The following AASS variants were observed in gnomAD, a reference collection of about 807,000 sequenced individuals.
AASS encodes the protein alpha-aminoadipic semialdehyde synthase, mitochondrial.
AASS carries 86 observed loss-of-function variants against 105.4 expected under a neutral mutation model. That is an observed-to-expected ratio of 0.82 (90% CI 0.69 to 0.98). The LOEUF (loss-of-function observed/expected upper bound fraction) is 0.98. AASS is among the 50% of genes least tolerant of loss of function. The probability of loss-of-function intolerance (pLI) is 0.00; values close to 1 mark genes in which losing one functional copy is unlikely to be tolerated. For missense variants in AASS, 1,048 were observed against 1,143.2 expected, an observed-to-expected ratio of 0.92 and a Z score of 1.20; for synonymous variants, 381 against 394.8, an observed-to-expected ratio of 0.96 and a Z score of 0.41.
chr7:122,091,796 A>G lies in AASS; in HGVS notation c.1923T>C (p.His641=), dbSNP rs770661942. ...SYCGGLPAPE[H]SNNPLRYKFS... ...ATTTATATCTCAATGGATTGTTTGA[A>G]TGTTCAGGGGCTGGAAGCCCACCAC... is the stretch of plus-strand genomic sequence containing the variant. The change falls in exon 18 of 24, where the codon CAT becomes CAC. Residue 641 remains histidine, a synonymous_variant. Transcript: ENST00000417368. The G allele has an allele frequency of 2.5e-6, 4 of 1,604,126 alleles. No homozygotes were observed. The South Asian group carries it at 3.3e-5, about 13-fold the overall frequency.
intron 3 of AASS, among the ~76,000 whole-genome samples, chr7:122,127,554 T>C (rs576250737): frequency 2.6e-5 from 4 of 152,276 alleles, no homozygotes; most frequent in East Asian, 1.9e-4. Context: ...AAGTGGAACA[T>C]TCTTCCTATA....
chr7:122,091,992 AG>A (rs2150516026), intron 17 of AASS, 149 bp from the exon 18 acceptor site: 1 of 607,984 alleles, frequency 1.6e-6, no homozygotes, highest in Non-Finnish European at 2.9e-6. Flanking sequence ...ACATCTTCAA[AG>A]CATGTACCAT....
chr7:122,096,012 G>A (rs766428755), intron 15 of AASS, among the ~76,000 whole-genome samples: 1 of 152,020 alleles, frequency 6.6e-6, no homozygotes, highest in Admixed American at 6.6e-5. Context: ...TAGACGAAGG[G>A]ATTAGAGTTC....
intron 1 of AASS, among the ~76,000 whole-genome samples, chr7:122,143,670 T>A (rs1228586310): frequency 6.6e-6 from 1 of 151,522 alleles, no homozygotes; most frequent in Admixed American, 6.6e-5. Flanking sequence ...AAGCTGGGCG[T>A]GGGGAGGGAA....
chr7:122,079,102 A>C lies in AASS; in HGVS notation c.2397-152T>G, dbSNP rs186758179. The stretch of plus-strand genomic sequence containing the variant: ...GGATTCTCCTAAAATGTAAAATAAC[A>C]ATAACAATAGCAATGTTTTAACCTT... On this transcript the variant is annotated intron_variant, in intron 21 of 23. Transcript: ENST00000417368. 236 of 1,536,246 alleles carry C rather than the reference A, an allele frequency of 1.5e-4. No individual in the cohort carries two copies. The African/African-American group carries it at 2.8e-3, about 19-fold the overall frequency.
chr7:122,128,205 CACTTGTG>C (rs1795743934), intron 3 of AASS, among the ~76,000 whole-genome samples: 1 of 152,222 alleles, frequency 6.6e-6, no homozygotes, highest in African/African-American at 2.4e-5. Flanking sequence ...AGGCCACCAT[CACTTGTG>C]ACTTGCAGTC....
chr7:122,105,521 T>TTATAC (rs1794630248), intron 11 of AASS, among the ~76,000 whole-genome samples: 1 of 152,054 alleles, frequency 6.6e-6, no homozygotes, highest in Non-Finnish European at 1.5e-5. Flanking sequence ...TGAAATCATA[T>TTATAC]TAAGTATTGT....
intron 22 of AASS, among the ~76,000 whole-genome samples, chr7:122,078,342 G>A (rs567813143): frequency 7.9e-5 from 12 of 151,922 alleles, no homozygotes; most frequent in African/African-American, 1.9e-4. Flanking sequence ...TGTCGGGCGC[G>A]GTGGCTCATG....
rs763738876 is a variant in AASS at position 122,082,803 on chromosome 7, T to A, written c.2185-1208A>T. On this transcript the variant is annotated intron_variant, in intron 19 of 23. Coordinates refer to ENST00000417368, the MANE Select transcript of AASS (RefSeq NM_005763.4). ...GGGAACTCACATAGATGGGGCTGGG[T>A]GGTTCAAGGGGAAGGAGTTAGGGAG... 7.0e-6 allele frequency: 9 copies of A among 1,288,270 alleles called. 1 individual carries two copies. The South Asian group carries it at 9.9e-5, about 14-fold the overall frequency. The allele number at this position is 1,288,270 out of a possible 1,614,324, so 79.8% of individuals were successfully genotyped here. A position where few individuals can be genotyped will look rare whatever the true frequency, so the allele number is the denominator to read the frequency against.
At chr7:122,093,285 C>T in intron 15 of AASS, 127 bp from the exon 16 acceptor site, 2 of 747,142 alleles carry the variant, frequency 2.7e-6, no homozygotes, top group Non-Finnish European at 4.8e-6. Context: ...GAAAAGGGAA[C>T]ACTTATACAC....
intron 2 of AASS, among the ~76,000 whole-genome samples, chr7:122,130,363 C>T (rs1354194692): frequency 2.6e-5 from 4 of 151,972 alleles, no homozygotes; most frequent in Non-Finnish European, 4.4e-5. Context: ...ACATTTACAA[C>T]ATACGAGTAA....
intron 17 of AASS, among the ~76,000 whole-genome samples, chr7:122,092,522 T>C (rs1184482636): frequency 1.3e-5 from 2 of 152,030 alleles, no homozygotes; most frequent in Non-Finnish European, 2.9e-5. Context: ...GTCAGGAGTT[T>C]GAGACTGGCC....
intron 1 of AASS, among the ~76,000 whole-genome samples, chr7:122,142,809 G>T (rs1250516596): frequency 6.6e-6 from 1 of 152,140 alleles, no homozygotes; most frequent in African/African-American, 2.4e-5. Flanking sequence ...TTAAATGGTG[G>T]CTTCTTAAAC....
intron 11 of AASS, among the ~76,000 whole-genome samples, chr7:122,112,804 T>G (rs893648238): frequency 1.3e-5 from 2 of 152,176 alleles, no homozygotes; most frequent in Admixed American, 6.6e-5. Context: ...CAATATGAAC[T>G]GACATAGATG....
rs67469054 is a variant in AASS, at chr7:122,141,658, CAAAAAAAAAAAAAAA to C, written c.-16+2488_-16+2502del. ...AGAGACTCACATCCCCCTAACCCTG[CAAAAAAAAAAAAAAA>C]AAAAAAAAAAAACTTGATTCTCTTC... is the stretch of plus-strand genomic sequence containing the variant. On this transcript the variant is annotated intron_variant, in intron 1 of 23. Transcript: ENST00000417368. Among the ~76,000 whole-genome samples the C allele has an allele frequency of 1.6e-4, 15 of 94,636 alleles. 1 individual carries two copies. Among genetic ancestry groups the C allele is most frequent in the African/African-American group, 7.3e-5 (2 of 27,214 alleles). The allele number at this position is 94,636 out of a possible 152,430, so 62.1% of individuals were successfully genotyped here. A position where few individuals can be genotyped will look rare whatever the true frequency, so the allele number is the denominator to read the frequency against.
intron 8 of AASS, among the ~76,000 whole-genome samples, chr7:122,115,874 T>C (rs1207774132): frequency 6.6e-6 from 1 of 152,190 alleles, no homozygotes; most frequent in African/African-American, 2.4e-5. Flanking sequence ...CATCTCAAGC[T>C]GAAGGTAAGA....
At chr7:122,087,510 C>T (rs947866567) in intron 18 of AASS, among the ~76,000 whole-genome samples, 1 of 152,156 alleles carries the variant, frequency 6.6e-6, no homozygotes, top group African/African-American at 2.4e-5. Context: ...GATTTCTGAA[C>T]TACTTCTTTA....
chr7:122,085,955 T>C, intron 19 of AASS, 57 bp downstream of exon 19: 1 of 1,578,786 alleles, frequency 6.3e-7, no homozygotes, highest in Non-Finnish European at 8.7e-7. Flanking sequence ...AAATTAAGTG[T>C]ACACATCACT....
At chr7:122,082,132 A>G (rs1346973793) in intron 19 of AASS, among the ~76,000 whole-genome samples, 1 of 152,028 alleles carries the variant, frequency 6.6e-6, no homozygotes, top group African/African-American at 2.4e-5. Context: ...GAGCAGAAAA[A>G]GAGGTAGGAA....
Sources: allele counts gnomAD v4.1 joint callset (sites outside exome capture counted in the v4.1 genomes callset), GRCh38; gene constraint gnomAD v4.1.1; transcripts MANE v1.5; gene names NCBI Gene and HGNC (gene_info 2026-07-23, HGNC 2026-07-21).